Variants in MAST4 observed in about 807,000 individuals in gnomAD.
The protein encoded by MAST4 is microtubule associated serine/threonine kinase family member 4, also known as microtubule-associated serine/threonine-protein kinase 4.
MAST4 carries 89 observed loss-of-function variants against 162.7 expected under a neutral mutation model. The observed-to-expected ratio is 0.55, with a 90% CI of 0.46 to 0.65. The LOEUF is 0.65. MAST4 is among the 30% of genes least tolerant of loss of function. MAST4 has a pLI of 0.00. For synonymous variants in MAST4, 1,479 were observed against 1,361.1 expected (o/e 1.09, Z -1.91); for missense variants, 3,153 against 3,374.0 (o/e 0.93, Z 1.62).
chr5:66,965,823 G>A (rs942711799), intron 4 of MAST4, among the ~76,000 whole-genome samples: 5 of 152,148 alleles, frequency 3.3e-5, no homozygotes, highest in African/African-American at 1.2e-4. Context: ...TTTTGTAAGT[G>A]TTCAGGAGTC....
At chr5:66,885,390 A>G (rs1761974511) in intron 3 of MAST4, among the ~76,000 whole-genome samples, 2 of 152,208 alleles carry the variant, frequency 1.3e-5, no homozygotes, top group South Asian at 4.1e-4. Context: ...AAAATACAAA[A>G]TGCAGAGTCT....
At chr5:66,944,004 A>G (rs1743668902) in intron 4 of MAST4, among the ~76,000 whole-genome samples, 1 of 152,112 alleles carries the variant, frequency 6.6e-6, no homozygotes, top group Admixed American at 6.6e-5. Context: ...AGTACAGGTA[A>G]CCATCTCCCC....
chr5:66,656,073 G>A (rs1315367881), intron 1 of MAST4, among the ~76,000 whole-genome samples: 3 of 152,198 alleles, frequency 2.0e-5, no homozygotes, highest in African/African-American at 7.2e-5. Context: ...AATGAAGAAA[G>A]CAGGGCATGT....
intron 5 of MAST4, among the ~76,000 whole-genome samples, chr5:67,073,231 C>G (rs552236474): frequency 1.3e-5 from 2 of 152,270 alleles, no homozygotes; most frequent in Non-Finnish European, 2.9e-5. Flanking sequence ...CTCCTGTTCT[C>G]TGGGTTGCAG....
At position 66,837,975 on chromosome 5, in the gene MAST4, A is replaced by G. The variant is rs536939015; in HGVS notation, c.642+49181A>G. ...ACCATATTTGTTTGTTGAGCTTCCA[A>G]ATAACAACAATGATAGTAACATGAG... is the stretch of plus-strand genomic sequence containing the variant. On this transcript the variant is annotated intron_variant, in intron 3 of 28. Transcript: ENST00000403625. Among the ~76,000 whole-genome samples the G allele has an allele frequency of 9.5e-4, 141 of 148,712 alleles. No individual in the cohort carries two copies. In the Middle Eastern group the frequency reaches 0.014, roughly 15 times the overall value.
At chr5:67,049,008 C>CATATATATATACGT (rs1757730948) in intron 4 of MAST4, among the ~76,000 whole-genome samples, 2 of 104,524 alleles carry the variant, frequency 1.9e-5, no homozygotes, top group African/African-American at 4.1e-5. Flanking sequence ...TATACACACA[C>CATATATATATACGT]ATATATATAT....
In MAST4 at chr5:67,119,061, G is replaced by A. The variant is rs116469686; in HGVS notation, c.1659+312G>A. 7.9e-3 allele frequency among the ~76,000 whole-genome samples: 1,210 copies of A among 152,260 alleles called. 19 individuals carry two copies. Among genetic ancestry groups the A allele is most frequent in the African/African-American group, 0.028 (1,145 of 41,544 alleles). ...AGGCTACATCAGAGGACTAAGCAAGGGAGACAGCAGAAACTAGAGCACTTG... is the reference window on the plus strand; with the variant it reads ...AGGCTACATCAGAGGACTAAGCAAGAGAGACAGCAGAAACTAGAGCACTTG... On this transcript the variant is annotated intron_variant, in intron 13 of 28. Coordinates refer to ENST00000403625, the MANE Select transcript of MAST4 (RefSeq NM_001164664.2).
intron 1 of MAST4, among the ~76,000 whole-genome samples, chr5:66,685,083 G>A (rs1266434841): frequency 1.3e-5 from 2 of 152,086 alleles, no homozygotes; most frequent in Admixed American, 6.6e-5. Context: ...GCAACATGGC[G>A]AAACTCTGTC....
At chr5:66,993,931 C>A (rs867729060) in intron 4 of MAST4, among the ~76,000 whole-genome samples, 20 of 108,828 alleles carry the variant, frequency 1.8e-4, no homozygotes, top group South Asian at 4.5e-4. Flanking sequence ...CCCCCCCCCC[C>A]ACCCCACCAA....
intron 3 of MAST4, among the ~76,000 whole-genome samples, chr5:66,864,246 G>T (rs1760326520): frequency 6.6e-6 from 1 of 152,188 alleles, no homozygotes; most frequent in African/African-American, 2.4e-5. Flanking sequence ...CTCTTTTAGA[G>T]GAGGGGACAT....
At chr5:67,097,132 G>A (rs1233029390) in intron 7 of MAST4, among the ~76,000 whole-genome samples, 4 of 152,158 alleles carry the variant, frequency 2.6e-5, no homozygotes, top group East Asian at 3.9e-4. Flanking sequence ...AAGAAAAATA[G>A]GGGTGAGTTC....
At chr5:67,008,166 A>G (rs1665704435) in intron 4 of MAST4, among the ~76,000 whole-genome samples, 2 of 152,186 alleles carry the variant, frequency 1.3e-5, no homozygotes, top group Non-Finnish European at 2.9e-5. Flanking sequence ...CAGTACAGCC[A>G]TTCACCTGCT....
chr5:66,608,939 G>C (rs1351635783), intron 1 of MAST4, among the ~76,000 whole-genome samples: 3 of 151,884 alleles, frequency 2.0e-5, no homozygotes, highest in Admixed American at 2.0e-4. Flanking sequence ...CTGTTGAGTT[G>C]TTTTTGAAGT....
intron 4 of MAST4, among the ~76,000 whole-genome samples, chr5:67,021,272 C>G (rs1242571696): frequency 6.6e-6 from 1 of 152,124 alleles, no homozygotes; most frequent in African/African-American, 2.4e-5. Flanking sequence ...GTATCATGTC[C>G]TGACTTGAAT....
At chr5:66,765,123 C>A (rs1253768661) in intron 2 of MAST4, among the ~76,000 whole-genome samples, 1 of 152,112 alleles carries the variant, frequency 6.6e-6, no homozygotes, top group Non-Finnish European at 1.5e-5. Context: ...GCTATATACC[C>A]TGTAGTTTGG....
At chr5:66,686,325 C>CTATTAT (rs146782861) in intron 1 of MAST4, among the ~76,000 whole-genome samples, 3 of 151,966 alleles carry the variant, frequency 2.0e-5, no homozygotes, top group African/African-American at 7.2e-5. Context: ...GTAGTTATTA[C>CTATTAT]TATTATTATT....
chr5:66,732,166 T>C (rs1751894653), intron 1 of MAST4, among the ~76,000 whole-genome samples: 1 of 152,110 alleles, frequency 6.6e-6, no homozygotes, highest in Non-Finnish European at 1.5e-5. Flanking sequence ...AGCTTTACAA[T>C]GTCCGGTTTC....
chr5:66,885,326 TC>T (rs1199830495), intron 3 of MAST4, among the ~76,000 whole-genome samples: 2 of 152,212 alleles, frequency 1.3e-5, no homozygotes, highest in Non-Finnish European at 2.9e-5. Flanking sequence ...ATCAGAATTT[TC>T]CACACTTTTT....
intron 4 of MAST4, among the ~76,000 whole-genome samples, chr5:66,956,347 T>C (rs1361331812): frequency 6.6e-6 from 1 of 152,068 alleles, no homozygotes; most frequent in Non-Finnish European, 1.5e-5. Context: ...ACTTCATGTG[T>C]GTTGTCTTGA....
Sources: gnomAD v4.1 joint callset for allele counts (sites outside exome capture counted in the v4.1 genomes callset) on GRCh38, gnomAD v4.1.1 for gene constraint, MANE v1.5 for transcripts, NCBI Gene and HGNC (gene_info 2026-07-23, HGNC 2026-07-21) for gene names.